CORIN: variants seen among roughly 807,000 people sequenced by gnomAD.
CORIN encodes atrial natriuretic peptide-converting enzyme.
A neutral mutation model predicts 125.3 loss-of-function variants in CORIN; 117 were observed. The ratio of observed to expected loss-of-function variants is 0.93; its 90% CI spans 0.80 to 1.09. The LOEUF (loss-of-function observed/expected upper bound fraction) is 1.09, where lower values mean the gene tolerates loss of function less well. Ranked by LOEUF, CORIN falls within the 50% of genes least tolerant of loss-of-function variation. The probability of loss-of-function intolerance (pLI) is 0.00; values close to 1 mark genes in which losing one functional copy is unlikely to be tolerated. For synonymous variants in CORIN, 450 were observed against 466.4 expected (o/e 0.96, Z 0.45); for missense variants, 1,253 against 1,306.7 (o/e 0.96, Z 0.63).
intron 5 of CORIN, chr4:47,706,729 C>A: frequency 6.2e-7 from 1 of 1,604,130 alleles, no homozygotes; most frequent in East Asian, 2.2e-5. Context: ...TGAATTCTTA[C>A]TGGGTTGGTG....
At chr4:47,773,173 C>T (rs568001816) in intron 3 of CORIN, among the ~76,000 whole-genome samples, 63 of 152,216 alleles carry the variant, frequency 4.1e-4, no homozygotes, top group African/African-American at 1.5e-3. Flanking sequence ...AAATTTAACA[C>T]ATATAGAAAT....
At chr4:47,769,926 G>A (rs969022863) in intron 3 of CORIN, among the ~76,000 whole-genome samples, 2 of 151,992 alleles carry the variant, frequency 1.3e-5, no homozygotes, top group South Asian at 2.1e-4. Flanking sequence ...GAATACATAG[G>A]GGGAAAGCTC....
At chr4:47,603,778 C>A (rs1326235206) in intron 19 of CORIN, 110 bp from the exon 20 acceptor site, 19 of 1,181,542 alleles carry the variant, frequency 1.6e-5, no homozygotes, top group Non-Finnish European at 2.2e-5. Flanking sequence ...CATTTTCATG[C>A]CCACCTCTCA....
intron 3 of CORIN, among the ~76,000 whole-genome samples, chr4:47,786,023 A>T (rs2109915666): frequency 6.6e-6 from 1 of 152,324 alleles, no homozygotes; most frequent in East Asian, 1.9e-4. Flanking sequence ...TCAGTGACTT[A>T]ACTTACTTAT....
intron 4 of CORIN, among the ~76,000 whole-genome samples, chr4:47,761,405 G>A (rs1729451426): frequency 6.6e-6 from 1 of 151,918 alleles, no homozygotes; most frequent in Admixed American, 6.6e-5. Context: ...GAGGGAGAGA[G>A]ACAATGGAAC....
chr4:47,672,370 C>T (rs766768802), intron 10 of CORIN, among the ~76,000 whole-genome samples: 2 of 152,094 alleles, frequency 1.3e-5, no homozygotes, highest in African/African-American at 2.4e-5. Flanking sequence ...GGATAACATA[C>T]ACCCAGTCAC....
rs370951437 is a variant in CORIN, at chr4:47,680,161, T to G, written c.1112A>C (p.Lys371Thr). The G allele has an allele frequency of 1.2e-6, 2 of 1,613,294 alleles. No homozygotes were observed. Among genetic ancestry groups the G allele is most frequent in the Non-Finnish European group, 1.7e-6 (2 of 1,179,374 alleles). ...VCDGDHDCVD[K>T]SDEVNCSCHS... is the part of the protein sequence containing the mutation. The stretch of plus-strand genomic sequence containing the variant: ...CTCACAGCAGTTGACCTCGTCAGAC[T>G]TATCCACACAGTCGTGGTCACCATC... Residue 371 changes from lysine (K) to threonine (T), a missense_variant, in exon 8 of 22, where the codon AAG becomes ACG. Physicochemically the swap from Lys to Thr is moderately conservative, Grantham distance 78. Coordinates refer to ENST00000273857, the MANE Select transcript of CORIN (RefSeq NM_006587.4).
intron 13 of CORIN, among the ~76,000 whole-genome samples, chr4:47,647,102 G>A (rs913640794): frequency 1.3e-5 from 2 of 152,082 alleles, no homozygotes; most frequent in Non-Finnish European, 2.9e-5. Context: ...GAACTCACAG[G>A]GACATTATTT....
At chr4:47,629,842 C>T (rs898813190) in intron 16 of CORIN, among the ~76,000 whole-genome samples, 10 of 151,988 alleles carry the variant, frequency 6.6e-5, no homozygotes, top group African/African-American at 1.9e-4. Flanking sequence ...AACTCTGTGA[C>T]GTAGACTTTA....
In CORIN at chr4:47,623,750, C is replaced by T; in HGVS notation, c.2366-5G>A. 6.2e-7 allele frequency: 1 copy of T among 1,614,096 alleles called. No individual in the cohort carries two copies. Among genetic ancestry groups the T allele is most frequent in the Non-Finnish European group, 8.5e-7 (1 of 1,180,004 alleles). ...CAGCAGGGCGGCGCCCACAGTCTAC[C>T]AAGGAGCAGAAGACACAGTTTGTGA... On this transcript the variant is annotated splice_region_variant and splice_polypyrimidine_tract_variant and intron_variant, in intron 18 of 21. Transcript: ENST00000273857.
chr4:47,650,515 C>T (rs1405230524), intron 13 of CORIN, among the ~76,000 whole-genome samples: 3 of 152,186 alleles, frequency 2.0e-5, no homozygotes, highest in Non-Finnish European at 2.9e-5. Flanking sequence ...ATAACCTCAG[C>T]CTCACACACT....
intron 5 of CORIN, among the ~76,000 whole-genome samples, chr4:47,724,022 G>A (rs1011860456): frequency 1.3e-5 from 2 of 149,558 alleles, no homozygotes; most frequent in Non-Finnish European, 3.0e-5. Flanking sequence ...AAAAGAAGCA[G>A]GGCATTCTCA....
At chr4:47,660,563 G>C (rs1187909914) in intron 12 of CORIN, among the ~76,000 whole-genome samples, 1 of 152,092 alleles carries the variant, frequency 6.6e-6, no homozygotes, top group Non-Finnish European at 1.5e-5. Context: ...TGACAAACAG[G>C]TATATGAAAA....
At chr4:47,791,229 T>C (rs1731064884) in intron 2 of CORIN, among the ~76,000 whole-genome samples, 1 of 152,006 alleles carries the variant, frequency 6.6e-6, no homozygotes, top group African/African-American at 2.4e-5. Flanking sequence ...TGTGTCAGGG[T>C]CATGAACTGT....
intron 4 of CORIN, among the ~76,000 whole-genome samples, chr4:47,754,013 T>C (rs1374920027): frequency 6.6e-6 from 1 of 152,180 alleles, no homozygotes; most frequent in Non-Finnish European, 1.5e-5. Context: ...CAACACATAA[T>C]ACCGATGAAT....
intron 2 of CORIN, among the ~76,000 whole-genome samples, chr4:47,789,778 T>G (rs527858081): frequency 6.6e-6 from 1 of 152,134 alleles, no homozygotes; most frequent in African/African-American, 2.4e-5. Flanking sequence ...CCCAGCACTT[T>G]GGGAGGCTGA....
rs1004818049 is a variant in CORIN, at chr4:47,661,737, C to T, written c.1709G>A (p.Cys570Tyr). Reference protein sequence around the residue: ...FPEENSDNQTCLMPDEYVEEC... With the variant: ...FPEENSDNQTYLMPDEYVEEC... ...TTCCACATATTCATCAGGCATCAGGCAGGTTTGATTGTCTGAATTTTCCTC... is the reference window on the plus strand; with the variant it reads ...TTCCACATATTCATCAGGCATCAGGTAGGTTTGATTGTCTGAATTTTCCTC... The change falls in exon 12 of 22, where the codon TGC becomes TAC. Residue 570 changes from cysteine (C) to tyrosine (Y), a missense_variant. By Grantham distance (194) the Cys-to-Tyr change is radical. Coordinates refer to ENST00000273857, the MANE Select transcript of CORIN (RefSeq NM_006587.4). 1.9e-6 allele frequency: 3 copies of T among 1,612,586 alleles called. No homozygotes were observed. In the African/African-American group the frequency reaches 4.0e-5, roughly 22 times the overall value.
At chr4:47,645,519 T>C (rs1723429084) in intron 13 of CORIN, among the ~76,000 whole-genome samples, 1 of 151,700 alleles carries the variant, frequency 6.6e-6, no homozygotes, top group Non-Finnish European at 1.5e-5. Flanking sequence ...ATGAATAATA[T>C]AATTTTGAAA....
intron 17 of CORIN, among the ~76,000 whole-genome samples, chr4:47,626,072 T>C (rs931286247): frequency 2.0e-5 from 3 of 152,210 alleles, no homozygotes; most frequent in African/African-American, 7.2e-5. Flanking sequence ...TTCCCTCTGT[T>C]TACTAGTTCT....
Sources: allele counts gnomAD v4.1 joint callset (sites outside exome capture counted in the v4.1 genomes callset), GRCh38; gene constraint gnomAD v4.1.1; transcripts MANE v1.5; gene names NCBI Gene and HGNC (gene_info 2026-07-23, HGNC 2026-07-21).